Variants in ARHGAP12 observed in about 807,000 individuals in gnomAD.
ARHGAP12 encodes the protein Rho GTPase activating protein 12, also known as rho GTPase-activating protein 12.
A neutral mutation model predicts 108.6 loss-of-function variants in ARHGAP12; 64 were observed. The ratio of observed to expected loss-of-function variants is 0.59; its 90% CI spans 0.48 to 0.73. The LOEUF is 0.73. Among genes scored for constraint, ARHGAP12 ranks in the 30% least tolerant of loss-of-function variants. The probability of loss-of-function intolerance (pLI) is 0.00; values close to 1 mark genes in which losing one functional copy is unlikely to be tolerated. For synonymous variants in ARHGAP12, 312 were observed against 337.2 expected (o/e 0.93, Z 0.82); for missense variants, 940 against 1,005.9 (o/e 0.93, Z 0.89).
intron 10 of ARHGAP12, among the ~76,000 whole-genome samples, chr10:31,831,055 G>T (rs765469034): frequency 1.3e-5 from 2 of 152,126 alleles, no homozygotes; most frequent in Non-Finnish European, 2.9e-5. Flanking sequence ...TTGCATACTT[G>T]CAAAATGAGT....
At chr10:31,922,171 A>C in intron 1 of ARHGAP12, among the ~76,000 whole-genome samples, 6 of 128,990 alleles carry the variant, frequency 4.7e-5, no homozygotes, top group South Asian at 2.8e-4. Context: ...ACAGAGCAAG[A>C]CCCTGCCTCA....
chr10:31,864,918 G>C (rs1837265728), intron 3 of ARHGAP12, among the ~76,000 whole-genome samples: 1 of 152,114 alleles, frequency 6.6e-6, no homozygotes, highest in South Asian at 2.1e-4. Context: ...GACACTGTGG[G>C]AGCAAAAAGG....
intron 3 of ARHGAP12, among the ~76,000 whole-genome samples, chr10:31,902,119 T>A (rs534659624): frequency 6.6e-6 from 1 of 152,264 alleles, no homozygotes; most frequent in African/African-American, 2.4e-5. Flanking sequence ...GAAATCAGTT[T>A]ATCTGATTTC....
chr10:31,894,640 G>A lies in ARHGAP12; in HGVS notation c.684+13532C>T, dbSNP rs185712422. Among the ~76,000 whole-genome samples, 294 of 152,292 alleles carry A rather than the reference G, an allele frequency of 1.9e-3. 5 individuals are homozygous for A. The highest frequency in any genetic ancestry group is 2.8e-4 in the Non-Finnish European group (19 of 68,032). On this transcript the variant is annotated intron_variant, in intron 3 of 19. Transcript: ENST00000344936. ...AAGAACATTCCATGCTCATGGATAG[G>A]AAGAATCAATATCGTGAAAATGGCC...
chr10:31,827,651 C>CGTG (rs1335717881), intron 10 of ARHGAP12, among the ~76,000 whole-genome samples: 1 of 152,020 alleles, frequency 6.6e-6, no homozygotes, highest in Non-Finnish European at 1.5e-5. Context: ...ATTAGCCAGG[C>CGTG]GTGGTGGCGG....
At chr10:31,916,654 T>C (rs1418823372) in intron 1 of ARHGAP12, among the ~76,000 whole-genome samples, 2 of 152,164 alleles carry the variant, frequency 1.3e-5, no homozygotes, top group Admixed American at 1.3e-4. Context: ...TCTCCCTCTG[T>C]CACGCAGGCT....
At position 31,822,845 on chromosome 10, in the gene ARHGAP12, G is replaced by A. The variant is rs532134228; in HGVS notation, c.1531-2357C>T. ...TGTCCTCTGGGGGACATCTGGTAAC[G>A]TTTGGAGATATTTTTAGTTGTCACA... On this transcript the variant is annotated intron_variant, in intron 11 of 19. Transcript: ENST00000344936. Among the ~76,000 whole-genome samples the A allele has an allele frequency of 7.2e-5, 11 of 152,102 alleles. No homozygotes were observed. In the South Asian group the frequency reaches 1.3e-3, roughly 17 times the overall value.
chr10:31,917,613 A>G (rs896780007), intron 1 of ARHGAP12, among the ~76,000 whole-genome samples: 1 of 152,210 alleles, frequency 6.6e-6, no homozygotes, highest in African/African-American at 2.4e-5. Flanking sequence ...TATCACTTAC[A>G]TTCAATTACT....
intron 3 of ARHGAP12, among the ~76,000 whole-genome samples, chr10:31,907,237 T>C (rs1839166802): frequency 6.6e-6 from 1 of 152,116 alleles, no homozygotes; most frequent in Admixed American, 6.6e-5. Flanking sequence ...TTTCAAAATA[T>C]ATTCAAGTTT....
chr10:31,817,047 A>G (rs980171552), intron 13 of ARHGAP12, among the ~76,000 whole-genome samples: 1 of 152,158 alleles, frequency 6.6e-6, no homozygotes. Context: ...AGGAGAATAC[A>G]GAGTATAAAA....
At chr10:31,901,223 A>C (rs1031848797) in intron 3 of ARHGAP12, among the ~76,000 whole-genome samples, 3 of 151,366 alleles carry the variant, frequency 2.0e-5, no homozygotes, top group Non-Finnish European at 1.5e-5. Flanking sequence ...CAAAAAAAAA[A>C]AAAAGAGAAG....
At chr10:31,907,035 C>T (rs934768730) in intron 3 of ARHGAP12, among the ~76,000 whole-genome samples, 1 of 152,124 alleles carries the variant, frequency 6.6e-6, no homozygotes, top group African/African-American at 2.4e-5. Flanking sequence ...TTTCTAAAGT[C>T]TTCCCTTTTT....
At chr10:31,848,679 T>C (rs1836557084) in intron 6 of ARHGAP12, among the ~76,000 whole-genome samples, 1 of 152,228 alleles carries the variant, frequency 6.6e-6, no homozygotes, top group Non-Finnish European at 1.5e-5. Flanking sequence ...TATTCATGTA[T>C]GTTTTTATTT....
chr10:31,891,439 C>T (rs1279424215), intron 3 of ARHGAP12, among the ~76,000 whole-genome samples: 1 of 152,198 alleles, frequency 6.6e-6, no homozygotes, highest in Non-Finnish European at 1.5e-5. Context: ...AGAGTTTCTG[C>T]TAAGAGATCC....
At chr10:31,864,900 A>G (rs1466716584) in intron 3 of ARHGAP12, among the ~76,000 whole-genome samples, 1 of 152,198 alleles carries the variant, frequency 6.6e-6, no homozygotes, top group Non-Finnish European at 1.5e-5. Context: ...TGCTAGAGCT[A>G]CACATGGGAC....
chr10:31,826,671 C>T (rs1239711805), intron 10 of ARHGAP12: 1 of 290,702 alleles, frequency 3.4e-6, no homozygotes, highest in African/African-American at 2.2e-5. Flanking sequence ...ATTAATACAG[C>T]ACTTTGTGAT....
At chr10:31,895,045 T>C (rs564667119) in intron 3 of ARHGAP12, among the ~76,000 whole-genome samples, 1 of 152,222 alleles carries the variant, frequency 6.6e-6, no homozygotes, top group African/African-American at 2.4e-5. Context: ...TGGTTTGCCA[T>C]ATGTAGAAAG....
chr10:31,812,962 G>T, intron 14 of ARHGAP12, 139 bp from the exon 15 acceptor site: 1 of 481,072 alleles, frequency 2.1e-6, no homozygotes, highest in Non-Finnish European at 3.7e-6. Context: ...CTTTAATGTG[G>T]TTTAAGGACA....
intron 12 of ARHGAP12, among the ~76,000 whole-genome samples, chr10:31,819,880 T>C (rs1564369424): frequency 6.6e-6 from 1 of 152,008 alleles, no homozygotes; most frequent in Non-Finnish European, 1.5e-5. Context: ...TGAGGTGGTC[T>C]CTTATGCAGC....
Sources: allele counts gnomAD v4.1 joint callset (sites outside exome capture counted in the v4.1 genomes callset), GRCh38; gene constraint gnomAD v4.1.1; transcripts MANE v1.5; gene names NCBI Gene and HGNC (gene_info 2026-07-23, HGNC 2026-07-21).